Variants in CSF2RA observed in about 807,000 individuals in gnomAD.
CSF2RA encodes the protein colony stimulating factor 2 receptor subunit alpha.
CSF2RA carries 42 observed loss-of-function variants against 51.6 expected under a neutral mutation model. The observed-to-expected ratio is 0.81, with a 90% CI of 0.64 to 1.05. The LOEUF is 1.05. Ranked by LOEUF, CSF2RA falls within the 50% of genes least tolerant of loss-of-function variation. The pLI is 0.00. For synonymous variants in CSF2RA, 222 were observed against 193.0 expected (o/e 1.15, Z -1.24); for missense variants, 530 against 501.1 (o/e 1.06, Z -0.55).
At chrX:1,321,250 AC>A in the CSF2RA span, among the ~76,000 whole-genome samples, 1 of 151,930 alleles carries the variant, frequency 6.6e-6, no homozygotes, top group Admixed American at 6.6e-5. Flanking sequence ...CGGGTGGATC[AC>A]GAGGTCAGGA....
intron 12 of CSF2RA, among the ~76,000 whole-genome samples, chrX:1,306,361 C>T (rs192303616): frequency 0.035 from 5,376 of 151,496 alleles, 308 homozygotes; most frequent in African/African-American, 0.12. Context: ...AAGACCCAGG[C>T]GGGGGCCGGT....
Position 1,286,807 on chromosome X carries a change from CT to C in CSF2RA, c.219+888del. Among the ~76,000 whole-genome samples, 3 of 152,150 alleles carry C rather than the reference CT, an allele frequency of 2.0e-5. No individual in the cohort carries two copies. In the South Asian group the frequency reaches 6.2e-4, roughly 32 times the overall value. ...CTGGCAAATGCAGTTGGATGTGCCC[CT>C]GGGTCTGTGGTGGAAGCAGGACGGA... On this transcript the variant is annotated intron_variant, in intron 4 of 12. Transcript: ENST00000381529.
intron 4 of CSF2RA, 30 bp from the exon 5 acceptor site, chrX:1,288,489 A>G: frequency 6.2e-7 from 1 of 1,613,834 alleles, no homozygotes; most frequent in Non-Finnish European, 8.5e-7. Context: ...GTTGTTTCCT[A>G]ATCGGCTCTG....
intron 9 of CSF2RA, among the ~76,000 whole-genome samples, chrX:1,299,013 G>A (rs1388875465): frequency 1.3e-5 from 2 of 152,158 alleles, no homozygotes; most frequent in African/African-American, 4.8e-5. Context: ...TGCCAGTGTG[G>A]CCCAGGGGTG....
the CSF2RA span, among the ~76,000 whole-genome samples, chrX:1,321,182 G>A: frequency 1.3e-5 from 2 of 151,886 alleles, no homozygotes; most frequent in East Asian, 1.9e-4. Flanking sequence ...AAGAAGTGCA[G>A]ACAGAGGCCG....
At chrX:1,271,692 T>G (rs1336544750) in intron 1 of CSF2RA, among the ~76,000 whole-genome samples, 1 of 151,488 alleles carries the variant, frequency 6.6e-6, no homozygotes, top group Non-Finnish European at 1.5e-5. Flanking sequence ...AATTTTTGTA[T>G]TTTTAGTAGG....
Position 1,286,003 on chromosome X carries a change from C to T in CSF2RA, c.219+83C>T, listed in dbSNP as rs184064893. 7.2e-4 allele frequency: 1,123 copies of T among 1,565,058 alleles called. 8 individuals are homozygous for T. Among genetic ancestry groups the T allele is most frequent in the African/African-American group, 3.6e-3 (264 of 74,150 alleles). On this transcript the variant is annotated intron_variant, in intron 4 of 12. Transcript: ENST00000381529. ...AAGCAACAGGGCCGGCTGGGCGCGG[C>T]GGCTCACGCCTGTCATCCCAGCACT...
At chrX:1,293,222 T>TTTC (rs1435314596) in intron 7 of CSF2RA, among the ~76,000 whole-genome samples, 1 of 41,432 alleles carries the variant, frequency 2.4e-5, no homozygotes, top group Non-Finnish European at 4.6e-5. Flanking sequence ...TGTTTGTTTG[T>TTTC]TTGTTTTTCT....
At chrX:1,309,188 G>A (rs182234877) in intron 12 of CSF2RA, among the ~76,000 whole-genome samples, 1,573 of 152,256 alleles carry the variant, frequency 0.01, 17 homozygotes, top group Non-Finnish European at 0.012. Flanking sequence ...GGTGGCGGGC[G>A]CCTGTAATCC....
chrX:1,283,371 C>A (rs1421300165), intron 3 of CSF2RA, among the ~76,000 whole-genome samples: 2 of 145,450 alleles, frequency 1.4e-5, no homozygotes, highest in Non-Finnish European at 3.1e-5. Flanking sequence ...TTCCTTCTTC[C>A]GTCCCTCCCT....
intron 7 of CSF2RA, 108 bp downstream of exon 7, chrX:1,290,617 C>G (rs1191144073): frequency 8.6e-7 from 1 of 1,163,918 alleles, no homozygotes; most frequent in Non-Finnish European, 1.3e-6. Flanking sequence ...GTAATCTCAG[C>G]ACTTTGGGAG....
At chrX:1,319,828 C>T in the CSF2RA span, among the ~76,000 whole-genome samples, 9 of 149,664 alleles carry the variant, frequency 6.0e-5, no homozygotes, top group Admixed American at 5.4e-4. Flanking sequence ...GATTCTCCTA[C>T]CTCACCCTCC....
At chrX:1,321,427 C>A in the CSF2RA span, among the ~76,000 whole-genome samples, 45 of 152,010 alleles carry the variant, frequency 3.0e-4, no homozygotes, top group African/African-American at 1.0e-3. Context: ...CGAGATCGTG[C>A]CACTGCACTC....
chrX:1,286,407 A>G (rs1227772830), intron 4 of CSF2RA, among the ~76,000 whole-genome samples: 4 of 151,954 alleles, frequency 2.6e-5, no homozygotes, highest in African/African-American at 9.7e-5. Flanking sequence ...CATCTCTACT[A>G]AAAATACAAA....
chrX:1,304,076 G>A, intron 11 of CSF2RA, 57 bp downstream of exon 11: 3 of 1,420,718 alleles, frequency 2.1e-6, no homozygotes, highest in Non-Finnish European at 3.0e-6. Flanking sequence ...CGGGAGGAAA[G>A]CGCTTTGTCC....
In CSF2RA at chrX:1,282,751, A is replaced by G; in HGVS notation, c.48A>G (p.Pro16=). Residue 16 remains proline, a synonymous_variant, in exon 3 of 13, where the codon CCA becomes CCG. Transcript: ENST00000381529. ...TSLLLCELPH[P]AFLLIPEKSD... ...TTCTGCTCTGTGAGTTACCACACCC[A>G]GCATTCCTCCTGATCCCAGAGAAAT... 1 of 1,613,842 alleles carries G rather than the reference A, an allele frequency of 6.2e-7. No homozygotes were observed. The highest frequency in any genetic ancestry group is 8.5e-7 in the Non-Finnish European group (1 of 1,179,806).
the CSF2RA span, among the ~76,000 whole-genome samples, chrX:1,317,589 A>T: frequency 7.2e-6 from 1 of 139,156 alleles, no homozygotes; most frequent in Non-Finnish European, 1.5e-5. Flanking sequence ...TTTTTTTGAG[A>T]CGGAGTCTTG....
intron 7 of CSF2RA, among the ~76,000 whole-genome samples, chrX:1,293,631 C>T (rs1473730741): frequency 6.6e-6 from 1 of 152,006 alleles, no homozygotes; most frequent in African/African-American, 2.4e-5. Flanking sequence ...TCCACCTGGA[C>T]CCAGCGTAGA....
In CSF2RA at chrX:1,276,719, T is replaced by C. The variant is rs1173404407; in HGVS notation, c.-27+1901T>C. Among the ~76,000 whole-genome samples, 68 of 152,004 alleles carry C rather than the reference T, an allele frequency of 4.5e-4. 1 individual carries two copies. The highest frequency in any genetic ancestry group is 1.8e-3 in the Admixed American group (28 of 15,226). The stretch of plus-strand genomic sequence containing the variant: ...CATTTCAAAATATGTCAAGTAAATA[T>C]ATTTTGGGGTGAAATGTATTTTAAA... On this transcript the variant is annotated intron_variant, in intron 2 of 12. Coordinates refer to ENST00000381529, the MANE Select transcript of CSF2RA (RefSeq NM_172245.4).
Sources: allele counts gnomAD v4.1 joint callset (sites outside exome capture counted in the v4.1 genomes callset), GRCh38; gene constraint gnomAD v4.1.1; transcripts MANE v1.5; gene names NCBI Gene and HGNC (gene_info 2026-07-23, HGNC 2026-07-21).